PCDHGA3: variants seen among roughly 807,000 people sequenced by gnomAD.
PCDHGA3 encodes protocadherin gamma-A3.
PCDHGA3 carries 40 observed loss-of-function variants against 58.5 expected under a neutral mutation model. That is an observed-to-expected ratio of 0.68 (90% CI 0.53 to 0.89). PCDHGA3 has a LOEUF of 0.89. Ranked by LOEUF, PCDHGA3 falls within the 40% of genes least tolerant of loss-of-function variation. The pLI is 0.00. For missense variants in PCDHGA3, 1,223 were observed against 1,195.9 expected, an observed-to-expected ratio of 1.02 and a Z score of -0.33; for synonymous variants, 530 against 525.7, an observed-to-expected ratio of 1.01 and a Z score of -0.11.
chr5:141,388,848 G>A (rs766706887), intron 1 of PCDHGA3: 6 of 1,613,942 alleles, frequency 3.7e-6, no homozygotes, highest in South Asian at 3.3e-5. Flanking sequence ...AGCAAGGGAC[G>A]GTGGAGGAAT....
At chr5:141,481,913 CAAAA>C (rs34114744) in intron 1 of PCDHGA3, among the ~76,000 whole-genome samples, 1 of 90,848 alleles carries the variant, frequency 1.1e-5, no homozygotes, top group Non-Finnish European at 2.2e-5. Context: ...AACTCCATCT[CAAAA>C]AAAAAAAAAA....
At chr5:141,457,791 A>G (rs554446263) in intron 1 of PCDHGA3, among the ~76,000 whole-genome samples, 1 of 152,318 alleles carries the variant, frequency 6.6e-6, no homozygotes, top group South Asian at 2.1e-4. Flanking sequence ...GAGTTGGGTT[A>G]TCCTCTCCTC....
chr5:141,409,205 A>T, intron 1 of PCDHGA3: 1 of 1,614,068 alleles, frequency 6.2e-7, no homozygotes, highest in African/African-American at 1.3e-5. Context: ...TAAAGTAATC[A>T]TAGAAATCCT....
chr5:141,449,073 T>C (rs889880816), intron 1 of PCDHGA3, among the ~76,000 whole-genome samples: 1 of 152,246 alleles, frequency 6.6e-6, no homozygotes, highest in African/African-American at 2.4e-5. Flanking sequence ...TGAATAGCCC[T>C]GTACCTACAT....
chr5:141,366,855 A>C, intron 1 of PCDHGA3: 3 of 1,456,922 alleles, frequency 2.1e-6, no homozygotes, highest in Non-Finnish European at 2.8e-6. Flanking sequence ...ATAGTGGAAC[A>C]TTATTTGCTG....
chr5:141,361,653 C>A, intron 1 of PCDHGA3: 2 of 1,613,770 alleles, frequency 1.2e-6, no homozygotes, highest in Non-Finnish European at 1.7e-6. Context: ...CCTACGTGTC[C>A]GTGAGCGCGC....
intron 1 of PCDHGA3, among the ~76,000 whole-genome samples, chr5:141,358,812 C>T (rs1446973698): frequency 6.6e-6 from 1 of 152,188 alleles, no homozygotes; most frequent in Non-Finnish European, 1.5e-5. Flanking sequence ...ATGATTTACG[C>T]TGCTTAGTAA....
intron 1 of PCDHGA3, among the ~76,000 whole-genome samples, chr5:141,363,780 TTTATC>T (rs1312673408): frequency 6.6e-6 from 1 of 152,228 alleles, no homozygotes; most frequent in Non-Finnish European, 1.5e-5. Flanking sequence ...TTTTCCTAAA[TTTATC>T]CTAATAAGGA....
intron 1 of PCDHGA3, chr5:141,372,939 G>C (rs1026338118): frequency 3.6e-6 from 3 of 824,678 alleles, no homozygotes. Flanking sequence ...GTAGAGTAGG[G>C]TGTCTAGGAA....
At position 141,489,084 on chromosome 5, in the gene PCDHGA3, C is replaced by CCGG; in HGVS notation, c.2425-5723_2425-5722insCGG. ...CTCCCCCCTGCCCACCCCCGCCACT[C>CCGG]GGTGACTAAGAACTGCTGCAAGCAG... On this transcript the variant is annotated intron_variant, in intron 1 of 3. Coordinates refer to ENST00000253812, the MANE Select transcript of PCDHGA3 (RefSeq NM_018916.4). This position sits in a 1 kb window ranked among gnomAD's most constrained non-coding sequence, Gnocchi z 4.5. The CCGG allele has an allele frequency of 3.0e-6, 1 of 329,134 alleles. No homozygotes were observed. The highest frequency in any genetic ancestry group is 2.5e-5 in the African/African-American group (1 of 40,384). 20.4% of individuals were successfully genotyped at this position (329,134 alleles called of 1,614,324 possible). A position where few individuals can be genotyped will look rare whatever the true frequency, so the allele number is the denominator to read the frequency against.
At position 141,383,086 on chromosome 5, in the gene PCDHGA3, G is replaced by A. The variant is rs373805952; in HGVS notation, c.2424+36629G>A. 3.1e-6 allele frequency: 5 copies of A among 1,613,788 alleles called. No individual in the cohort carries two copies. The African/African-American group carries it at 6.7e-5, about 22-fold the overall frequency. On this transcript the variant is annotated intron_variant, in intron 1 of 3. Transcript: ENST00000253812. ...GGAGCCCCGGGAGCTGGCGGAGCGC[G>A]GAGTCCGCATCATCTCCAGAGGTAG...
intron 1 of PCDHGA3, chr5:141,478,025 A>G (rs939969624): frequency 1.9e-6 from 3 of 1,614,146 alleles, no homozygotes; most frequent in Non-Finnish European, 2.5e-6. Flanking sequence ...AGTCCAAGAC[A>G]CAGATTCACC....
At chr5:141,463,581 T>TG (rs2099064477) in intron 1 of PCDHGA3, among the ~76,000 whole-genome samples, 1 of 151,502 alleles carries the variant, frequency 6.6e-6, no homozygotes, top group Non-Finnish European at 1.5e-5. Context: ...CCCGAGTAGC[T>TG]GGGACTACAG....
chr5:141,370,872 C>T (rs201155008), intron 1 of PCDHGA3: 244 of 1,613,896 alleles, frequency 1.5e-4, no homozygotes, highest in Non-Finnish European at 1.9e-4. Flanking sequence ...TGCGCAAGAT[C>T]CTGATGTAGG....
chr5:141,361,532 C>T, intron 1 of PCDHGA3: 1 of 1,614,034 alleles, frequency 6.2e-7, no homozygotes, highest in East Asian at 2.2e-5. Flanking sequence ...GAGAACAATC[C>T]TCCTGGCGCC....
intron 2 of PCDHGA3, among the ~76,000 whole-genome samples, chr5:141,496,631 G>A (rs1434126210): frequency 6.6e-6 from 1 of 152,164 alleles, no homozygotes; most frequent in Admixed American, 6.5e-5. Context: ...CAAAAGGCTT[G>A]GGCTGCCCTT....
chr5:141,362,774 C>A, intron 1 of PCDHGA3: 2 of 610,798 alleles, frequency 3.3e-6, no homozygotes, highest in Non-Finnish European at 5.5e-6. Flanking sequence ...AGATATTGCA[C>A]TGTATTTCTT....
Position 141,485,432 on chromosome 5 carries a change from A to C in PCDHGA3, c.2425-9375A>C. The C allele has an allele frequency of 6.2e-7, 1 of 1,614,178 alleles. No individual in the cohort carries two copies. Among genetic ancestry groups the C allele is most frequent in the Non-Finnish European group, 8.5e-7 (1 of 1,180,028 alleles). ...TTTGGACAGCGGAGCCCTGCTCATC[A>C]AGAACCCAATCGACCGAGAGGCACT... On this transcript the variant is annotated intron_variant, in intron 1 of 3. Transcript: ENST00000253812. The surrounding 1 kb of genome is among the most constrained non-coding windows in gnomAD (Gnocchi z 5.7).
intron 1 of PCDHGA3, among the ~76,000 whole-genome samples, chr5:141,348,422 C>G (rs1294192949): frequency 6.6e-6 from 1 of 151,974 alleles, no homozygotes; most frequent in Non-Finnish European, 1.5e-5. Context: ...AGGCACGTAA[C>G]TTTTAACATA....
Sources: allele counts gnomAD v4.1 joint callset (sites outside exome capture counted in the v4.1 genomes callset), GRCh38; gene constraint gnomAD v4.1.1; non-coding constraint Gnocchi (gnomAD v3.1); transcripts MANE v1.5; gene names NCBI Gene and HGNC (gene_info 2026-07-23, HGNC 2026-07-21).